NSUN3: variants seen among roughly 807,000 people sequenced by gnomAD.
NSUN3 encodes the protein tRNA (cytosine(34)-C(5))-methyltransferase, mitochondrial.
A neutral mutation model predicts 36.8 loss-of-function variants in NSUN3; 24 were observed. The ratio of observed to expected loss-of-function variants is 0.65; its 90% CI spans 0.47 to 0.92. The LOEUF (loss-of-function observed/expected upper bound fraction) is 0.92. Ranked by LOEUF, NSUN3 falls within the 40% of genes least tolerant of loss-of-function variation. NSUN3 has a pLI of 0.00. For missense variants in NSUN3, 381 were observed against 392.8 expected (o/e 0.97, Z 0.25); for synonymous variants, 146 against 145.2 (o/e 1.01, Z -0.04).
chr3:94,069,357 G>A lies in NSUN3; in HGVS notation c.122+4811G>A, dbSNP rs544816784. On this transcript the variant is annotated intron_variant, in intron 2 of 5. Transcript: ENST00000314622. ...TAAAATGACTCAAAAACATACTTTG[G>A]TGCATTTCCATAAATTGATTTGTTT... is the stretch of plus-strand genomic sequence containing the variant. 4.6e-5 allele frequency among the ~76,000 whole-genome samples: 7 copies of A among 152,246 alleles called. No homozygotes were observed. The South Asian group carries it at 1.5e-3, about 32-fold the overall frequency.
intron 2 of NSUN3, chr3:94,076,199 CTG>C: frequency 5.4e-6 from 5 of 930,740 alleles, no homozygotes; most frequent in Non-Finnish European, 9.0e-6. Context: ...AATAGTCTCA[CTG>C]TGAGGTGACT....
chr3:94,085,103 A>G (rs1200176051), intron 3 of NSUN3: 1 of 152,216 alleles, frequency 6.6e-6, no homozygotes, highest in Non-Finnish European at 1.5e-5. Context: ...GACTAGCCAC[A>G]TTTCAGGTGT....
chr3:94,103,646 T>G (rs2077374711), intron 5 of NSUN3, among the ~76,000 whole-genome samples: 1 of 152,144 alleles, frequency 6.6e-6, no homozygotes, highest in African/African-American at 2.4e-5. Context: ...TTGATATCTT[T>G]TTCCACTTAG....
intron 3 of NSUN3, among the ~76,000 whole-genome samples, chr3:94,092,073 CT>C (rs2077317234): frequency 6.6e-6 from 1 of 152,156 alleles, no homozygotes; most frequent in Admixed American, 6.5e-5. Flanking sequence ...AATACCTGGC[CT>C]TGGGTACTGT....
intron 5 of NSUN3, among the ~76,000 whole-genome samples, chr3:94,095,913 ATTT>A (rs60524751): frequency 7.2e-5 from 9 of 124,508 alleles, no homozygotes; most frequent in African/African-American, 2.5e-4. Context: ...AGCCTAGCTA[ATTT>A]TTTTTTTTTT....
chr3:94,078,089 C>G (rs1162685933), intron 2 of NSUN3, among the ~76,000 whole-genome samples: 1 of 152,160 alleles, frequency 6.6e-6, no homozygotes, highest in African/African-American at 2.4e-5. Flanking sequence ...TGCTGTAAAT[C>G]TCCCTTTACA....
intron 2 of NSUN3, among the ~76,000 whole-genome samples, chr3:94,068,400 T>G (rs557922506): frequency 6.6e-6 from 1 of 152,308 alleles, no homozygotes; most frequent in Non-Finnish European, 1.5e-5. Context: ...TCGTCATAAT[T>G]TACTAACTTG....
chr3:94,109,616 G>C (rs1011403538), intron 5 of NSUN3, among the ~76,000 whole-genome samples: 1 of 152,188 alleles, frequency 6.6e-6, no homozygotes, highest in African/African-American at 2.4e-5. Flanking sequence ...TGCACATCCG[G>C]TTTGATGATG....
In NSUN3 at chr3:94,084,454, G is replaced by T. The variant is rs1285240366; in HGVS notation, c.466+4G>T. ...CTGCTGCAGTGTGCTTGTCCAGGTAGTGTGCTTTCCTTTCAGTATTTGACA... is the reference window on the plus strand; with the variant it reads ...CTGCTGCAGTGTGCTTGTCCAGGTATTGTGCTTTCCTTTCAGTATTTGACA... On this transcript the variant is annotated splice_donor_region_variant and intron_variant, in intron 3 of 5. Transcript: ENST00000314622. The T allele has an allele frequency of 6.2e-7, 1 of 1,601,502 alleles. No individual in the cohort carries two copies. Among genetic ancestry groups the T allele is most frequent in the Admixed American group, 1.7e-5 (1 of 58,410 alleles).
rs1240814243 is a variant in NSUN3 at position 94,084,121 on chromosome 3, C to G, written c.137C>G (p.Ser46Cys). The G allele has an allele frequency of 1.2e-6, 2 of 1,612,380 alleles. No individual in the cohort carries two copies. Among genetic ancestry groups the G allele is most frequent in the South Asian group, 1.1e-5 (1 of 90,942 alleles). The stretch of plus-strand genomic sequence containing the variant: ...TCTATTTCTAGGGAGATACTAACAT[C>G]TCCATCATGCTGGCAATATGCTGTC... ...AWNTVREILT[S>C]PSCWQYAVLL... The change falls in exon 3 of 6, where the codon TCT (serine) becomes TGT (cysteine). Residue 46 changes from serine (S) to cysteine (C), a missense_variant. Transcript: ENST00000314622.
intron 5 of NSUN3, among the ~76,000 whole-genome samples, chr3:94,111,510 T>A (rs1028373121): frequency 2.0e-5 from 3 of 152,188 alleles, no homozygotes; most frequent in African/African-American, 7.2e-5. Context: ...AAACAAACAT[T>A]GTACAGCTGT....
At chr3:94,125,431 T>A (rs2077481499) in intron 5 of NSUN3, among the ~76,000 whole-genome samples, 1 of 152,182 alleles carries the variant, frequency 6.6e-6, no homozygotes, top group Non-Finnish European at 1.5e-5. Context: ...AGATCTTTGA[T>A]TTGGGGTCTA....
intron 2 of NSUN3, among the ~76,000 whole-genome samples, chr3:94,065,530 C>T (rs983604034): frequency 6.6e-6 from 1 of 152,122 alleles, no homozygotes; most frequent in Non-Finnish European, 1.5e-5. Flanking sequence ...GTTGGCTTGT[C>T]CATTTTTTTC....
chr3:94,110,844 A>G (rs140305956), intron 5 of NSUN3, among the ~76,000 whole-genome samples: 202 of 150,766 alleles, frequency 1.3e-3, no homozygotes, highest in African/African-American at 3.4e-3. Flanking sequence ...GTGTGTGTGT[A>G]TATCTGCTTT....
intron 3 of NSUN3, among the ~76,000 whole-genome samples, chr3:94,093,182 G>A (rs2077323168): frequency 6.6e-6 from 1 of 151,508 alleles, no homozygotes; most frequent in African/African-American, 2.4e-5. Flanking sequence ...TTACTCAGTG[G>A]ATGATGGGAA....
intron 5 of NSUN3, among the ~76,000 whole-genome samples, chr3:94,102,165 C>A (rs2077368404): frequency 7.2e-6 from 1 of 139,022 alleles, no homozygotes. Flanking sequence ...TAAAAAGTGG[C>A]ACTCTGACAG....
intron 5 of NSUN3, among the ~76,000 whole-genome samples, chr3:94,120,554 A>G (rs1382562083): frequency 2.0e-5 from 3 of 152,202 alleles, no homozygotes; most frequent in South Asian, 2.1e-4. Context: ...TTCACTTAGC[A>G]TAATGTTCTC....
chr3:94,118,766 T>C (rs1336417020), intron 5 of NSUN3, among the ~76,000 whole-genome samples: 1 of 152,188 alleles, frequency 6.6e-6, no homozygotes, highest in Non-Finnish European at 1.5e-5. Flanking sequence ...CCTGTCTTTT[T>C]TTTTCTTCTT....
At chr3:94,095,949 T>C (rs1320154839) in intron 5 of NSUN3, among the ~76,000 whole-genome samples, 2 of 146,928 alleles carry the variant, frequency 1.4e-5, no homozygotes, top group Non-Finnish European at 3.0e-5. Flanking sequence ...TTAGTAGAGA[T>C]AGGATTTCAC....
Sources: gnomAD v4.1 joint callset for allele counts (sites outside exome capture counted in the v4.1 genomes callset) on GRCh38, gnomAD v4.1.1 for gene constraint, MANE v1.5 for transcripts, NCBI Gene and HGNC (gene_info 2026-07-23, HGNC 2026-07-21) for gene names.